Variants in PRELID2 observed in about 807,000 individuals in gnomAD.
PRELID2 encodes the protein PRELI domain containing 2.
In PRELID2, 25 loss-of-function variants were observed where a neutral mutation model predicts 28.4. The ratio of observed to expected loss-of-function variants is 0.88; its 90% CI spans 0.64 to 1.23. The LOEUF is 1.23. PRELID2 is among the 50% of genes most tolerant of loss of function. The probability of loss-of-function intolerance (pLI) is 0.00; values close to 1 mark genes in which losing one functional copy is unlikely to be tolerated. For synonymous variants in PRELID2, 76 were observed against 71.6 expected, an observed-to-expected ratio of 1.06 and a Z score of -0.31; for missense variants, 201 against 214.4, an observed-to-expected ratio of 0.94 and a Z score of 0.39.
the PRELID2 span, among the ~76,000 whole-genome samples, chr5:145,302,687 T>C: frequency 6.6e-6 from 1 of 152,002 alleles, no homozygotes; most frequent in Admixed American, 6.6e-5. Flanking sequence ...ATGTGATTAG[T>C]ATTAATATAT....
At chr5:145,240,039 T>C in the PRELID2 span, among the ~76,000 whole-genome samples, 1 of 151,998 alleles carries the variant, frequency 6.6e-6, no homozygotes, top group African/African-American at 2.4e-5. Flanking sequence ...AATAAGTTCT[T>C]TGACAACAAG....
At chr5:145,254,937 C>T in the PRELID2 span, among the ~76,000 whole-genome samples, 1 of 151,486 alleles carries the variant, frequency 6.6e-6, no homozygotes, top group Non-Finnish European at 1.5e-5. Context: ...AAAAATGACT[C>T]CACCCACAAT....
Position 145,835,332 on chromosome 5 carries a change from C to T in PRELID2, c.-81G>A. ...CCAGGGCTCCGCAGAGGCCCGGAGG[C>T]GCCCACACTCGGACAGCCACATGGG... On this transcript the variant is annotated 5_prime_UTR_variant, in exon 1 of 7. Transcript: ENST00000683046. 1 of 889,198 alleles carries T rather than the reference C, an allele frequency of 1.1e-6. No individual in the cohort carries two copies. Among genetic ancestry groups the T allele is most frequent in the Non-Finnish European group, 1.7e-6 (1 of 579,312 alleles). The allele number at this position is 889,198 out of a possible 1,614,324, so 55.1% of individuals were successfully genotyped here.
chr5:145,269,321 A>C, the PRELID2 span, among the ~76,000 whole-genome samples: 1 of 152,128 alleles, frequency 6.6e-6, no homozygotes, highest in African/African-American at 2.4e-5. Flanking sequence ...TGAAACAATA[A>C]ATCTTCCAGA....
chr5:145,616,575 C>A (rs1821268), intron 1 of PRELID2, among the ~76,000 whole-genome samples: 19,600 of 151,920 alleles, frequency 0.13, 1,793 homozygotes, highest in African/African-American at 0.23. Context: ...TGATGCCCCC[C>A]AAGCCGTAAA....
the PRELID2 span, among the ~76,000 whole-genome samples, chr5:145,270,535 G>A: frequency 6.6e-6 from 1 of 152,096 alleles, no homozygotes; most frequent in African/African-American, 2.4e-5. Flanking sequence ...AAACAAATGT[G>A]CGGTTCTAGA....
chr5:145,818,630 T>C (rs1754542743), intron 3 of PRELID2, among the ~76,000 whole-genome samples: 1 of 152,134 alleles, frequency 6.6e-6, no homozygotes, highest in African/African-American at 2.4e-5. Context: ...GGGTACACAC[T>C]CTGGAAAAAG....
At chr5:145,807,905 C>T (rs1753625533) in intron 4 of PRELID2, among the ~76,000 whole-genome samples, 1 of 152,066 alleles carries the variant, frequency 6.6e-6, no homozygotes, top group Admixed American at 6.5e-5. Context: ...GTACAGGATA[C>T]AAAAACAGAG....
chr5:145,553,194 A>C (rs778538557), intron 1 of PRELID2, among the ~76,000 whole-genome samples: 3,579 of 90,616 alleles, frequency 0.039, 80 homozygotes, highest in African/African-American at 0.13. Flanking sequence ...CCCCCCCCCC[A>C]AAAAAAAAGG....
chr5:145,747,052 T>C (rs989040299), intron 1 of PRELID2, among the ~76,000 whole-genome samples: 1 of 152,148 alleles, frequency 6.6e-6, no homozygotes, highest in African/African-American at 2.4e-5. Flanking sequence ...GGGAAATTTA[T>C]AGCACTAAAT....
chr5:145,369,289 A>G, the PRELID2 span, among the ~76,000 whole-genome samples: 2 of 151,906 alleles, frequency 1.3e-5, no homozygotes, highest in Non-Finnish European at 2.9e-5. Context: ...TCAACACCCA[A>G]CAGGCCCTGG....
At position 145,561,272 on chromosome 5, in the gene PRELID2, G is replaced by A. The variant is rs139767670; in HGVS notation, n.71-87957C>T. On this transcript the variant is annotated intron_variant and non_coding_transcript_variant, in intron 1 of 2. Transcript: ENST00000510259. ...TAACTTCCAATAAAATAACTAAGGC[G>A]AAAGTTGGGCCCTTGACCAAGAGCA... Among the ~76,000 whole-genome samples, 27 of 152,228 alleles carry A rather than the reference G, an allele frequency of 1.8e-4. No individual in the cohort carries two copies. In the East Asian group the frequency reaches 3.3e-3, roughly 19 times the overall value.
At chr5:145,469,761 G>C (rs527358610), downstream of PRELID2, among the ~76,000 whole-genome samples, 1 of 152,016 alleles carries the variant, frequency 6.6e-6, no homozygotes, top group Non-Finnish European at 1.5e-5. Flanking sequence ...CCTCTGGCTC[G>C]ATCAAAGAAG....
intron 1 of PRELID2, among the ~76,000 whole-genome samples, chr5:145,697,033 T>TTATATA (rs36117637): frequency 6.9e-4 from 35 of 50,646 alleles, no homozygotes; most frequent in East Asian, 1.9e-3. Flanking sequence ...GAGAGGAAAA[T>TTATATA]TATATATATA....
intron 1 of PRELID2, among the ~76,000 whole-genome samples, chr5:145,615,234 G>A (rs116238420): frequency 0.069 from 10,500 of 151,334 alleles, 568 homozygotes; most frequent in Admixed American, 0.18. Context: ...ACCCCTGCTC[G>A]CTTTTGGTCT....
intron 1 of PRELID2, among the ~76,000 whole-genome samples, chr5:145,663,404 C>G (rs185221224): frequency 2.3e-4 from 35 of 152,158 alleles, no homozygotes; most frequent in African/African-American, 7.2e-4. Flanking sequence ...TGAAGAGAAA[C>G]AGTAACTTCA....
the PRELID2 span, among the ~76,000 whole-genome samples, chr5:145,369,612 T>C: frequency 6.6e-6 from 1 of 152,124 alleles, no homozygotes; most frequent in African/African-American, 2.4e-5. Context: ...AGTATAATGA[T>C]TTATATTTCT....
intron 1 of PRELID2, among the ~76,000 whole-genome samples, chr5:145,649,912 G>C (rs77252238): frequency 4.6e-5 from 7 of 151,902 alleles, no homozygotes; most frequent in Admixed American, 4.6e-4. Flanking sequence ...TTTATCTCTT[G>C]TTTGTTTCTT....
chr5:145,297,441 T>A, the PRELID2 span, among the ~76,000 whole-genome samples: 1 of 151,884 alleles, frequency 6.6e-6, no homozygotes, highest in Non-Finnish European at 1.5e-5. Flanking sequence ...AAACTCTCAA[T>A]AAATTAGGTA....
Sources: allele counts gnomAD v4.1 joint callset (sites outside exome capture counted in the v4.1 genomes callset), GRCh38; gene constraint gnomAD v4.1.1; transcripts MANE v1.5; gene names NCBI Gene and HGNC (gene_info 2026-07-23, HGNC 2026-07-21).